The following CTNNA3 variants were observed in gnomAD, a reference collection of about 807,000 sequenced individuals.
The protein encoded by CTNNA3 is catenin alpha-3.
CTNNA3 carries 76 observed loss-of-function variants against 95.7 expected under a neutral mutation model. That is an observed-to-expected ratio of 0.79 (90% CI 0.66 to 0.96). The LOEUF (loss-of-function observed/expected upper bound fraction) is 0.96. Among genes scored for constraint, CTNNA3 ranks in the 40% least tolerant of loss-of-function variants. CTNNA3 has a pLI of 0.00. For synonymous variants in CTNNA3, 431 were observed against 374.4 expected, an observed-to-expected ratio of 1.15 and a Z score of -1.74; for missense variants, 1,191 against 1,089.8, an observed-to-expected ratio of 1.09 and a Z score of -1.31.
intron 13 of CTNNA3, among the ~76,000 whole-genome samples, chr10:66,167,938 C>T (rs573907527): frequency 5.3e-5 from 8 of 152,208 alleles, no homozygotes; most frequent in Non-Finnish European, 5.9e-5. Flanking sequence ...TAAGCACAGC[C>T]CATGGGAAAT....
intron 13 of CTNNA3, among the ~76,000 whole-genome samples, chr10:66,124,596 T>C (rs1291016563): frequency 1.3e-5 from 2 of 152,166 alleles, no homozygotes; most frequent in African/African-American, 2.4e-5. Context: ...ACACTGCTGA[T>C]GAAGAAATAC....
rs371355999 is a variant in CTNNA3 at position 67,405,596 on chromosome 10, G to T, written c.579+116246C>A. On this transcript the variant is annotated intron_variant, in intron 5 of 17. Transcript: ENST00000433211. ...ACTTAGACTCCCACACAATAATAGT[G>T]GGAGACTTTAAAACCCCATTGACAA... 2.6e-4 allele frequency among the ~76,000 whole-genome samples: 39 copies of T among 152,126 alleles called. 3 individuals are homozygous for T. The highest frequency in any genetic ancestry group is 1.5e-3 in the East Asian group (8 of 5,164).
At chr10:65,948,988 T>C (rs2077568303) in intron 17 of CTNNA3, among the ~76,000 whole-genome samples, 2 of 152,238 alleles carry the variant, frequency 1.3e-5, no homozygotes, top group Non-Finnish European at 2.9e-5. Flanking sequence ...CTTGTTTCTA[T>C]TTTGAGTTTC....
At chr10:66,178,678 A>G (rs2085872837) in intron 13 of CTNNA3, among the ~76,000 whole-genome samples, 1 of 151,640 alleles carries the variant, frequency 6.6e-6, no homozygotes, top group African/African-American at 2.4e-5. Context: ...TCAACAAAGG[A>G]CTAGTATCAA....
chr10:66,043,936 A>C (rs1043744584), intron 15 of CTNNA3, among the ~76,000 whole-genome samples: 4 of 151,246 alleles, frequency 2.6e-5, no homozygotes, highest in Non-Finnish European at 4.4e-5. Flanking sequence ...GGGTGTGCCT[A>C]AAAATGTAAT....
At chr10:66,780,866 T>C (rs10437374) in intron 7 of CTNNA3, among the ~76,000 whole-genome samples, 129,849 of 152,168 alleles carry the variant, frequency 0.85, 55,947 homozygotes, top group East Asian at 1. Flanking sequence ...TGAATATTTG[T>C]CCTAAATTGT....
intron 11 of CTNNA3, among the ~76,000 whole-genome samples, chr10:66,513,935 C>T (rs1003660186): frequency 1.3e-5 from 2 of 152,060 alleles, no homozygotes; most frequent in Admixed American, 6.5e-5. Context: ...TGTAACACTG[C>T]AACCTTCTGG....
chr10:67,449,357 CAG>C (rs1846880570), intron 5 of CTNNA3, among the ~76,000 whole-genome samples: 1 of 151,956 alleles, frequency 6.6e-6, no homozygotes, highest in Non-Finnish European at 1.5e-5. Flanking sequence ...GGAACCAAAA[CAG>C]AGCCCAAATA....
chr10:67,065,388 G>C (rs1343713478), intron 7 of CTNNA3, among the ~76,000 whole-genome samples: 1 of 152,052 alleles, frequency 6.6e-6, no homozygotes, highest in Non-Finnish European at 1.5e-5. Flanking sequence ...AAAGGTATAA[G>C]GGCATTGATT....
chr10:66,834,255 C>T (rs2132329172), intron 7 of CTNNA3, among the ~76,000 whole-genome samples: 1 of 152,282 alleles, frequency 6.6e-6, no homozygotes, highest in South Asian at 2.1e-4. Context: ...TGAGTGTTGG[C>T]TTTCACAGAT....
chr10:65,945,332 T>G (rs74140880), intron 17 of CTNNA3, among the ~76,000 whole-genome samples: 4,001 of 152,240 alleles, frequency 0.026, 157 homozygotes, highest in African/African-American at 0.091. Context: ...GCATGTTAGT[T>G]TTAATTTTAC....
intron 7 of CTNNA3, among the ~76,000 whole-genome samples, chr10:66,903,068 C>A (rs1162090515): frequency 6.6e-6 from 1 of 151,946 alleles, no homozygotes; most frequent in African/African-American, 2.4e-5. Context: ...GGCAGACACA[C>A]AACAAAAAAA....
At position 66,797,079 on chromosome 10, in the gene CTNNA3, G is replaced by GTT. The variant is rs149389384; in HGVS notation, c.1048-21557_1048-21556dup. On this transcript the variant is annotated intron_variant, in intron 7 of 17. Transcript: ENST00000433211. Reference sequence around the variant, plus strand: ...TACAATAAGCAGGGCTTGTAAATTTGTTTTTTTTTTCCTACTGAAAAGCAA... The same window carrying GTT: ...TACAATAAGCAGGGCTTGTAAATTTGTTTTTTTTTTTTCCTACTGAAAAGCAA... Among the ~76,000 whole-genome samples, 472 of 147,620 alleles carry GTT rather than the reference G, an allele frequency of 3.2e-3. 4 individuals carry two copies. The highest frequency in any genetic ancestry group is 0.011 in the African/African-American group (448 of 40,622).
At chr10:67,139,526 C>T (rs1378901013) in intron 7 of CTNNA3, among the ~76,000 whole-genome samples, 1 of 151,896 alleles carries the variant, frequency 6.6e-6, no homozygotes, top group Non-Finnish European at 1.5e-5. Context: ...AATTCTCCTG[C>T]CTCAGCCTCC....
At chr10:66,438,929 T>TC (rs1268867570) in intron 11 of CTNNA3, among the ~76,000 whole-genome samples, 1 of 152,134 alleles carries the variant, frequency 6.6e-6, no homozygotes, top group Non-Finnish European at 1.5e-5. Flanking sequence ...CCTCATGGCT[T>TC]CCCTTGGCTA....
At position 66,928,318 on chromosome 10, in the gene CTNNA3, T is replaced by C. The variant is rs199717270; in HGVS notation, c.1048-152794A>G. 5.4e-5 allele frequency: 87 copies of C among 1,614,012 alleles called. No homozygotes were observed. In the African/African-American group the frequency reaches 1.0e-3, roughly 19 times the overall value. On this transcript the variant is annotated intron_variant, in intron 7 of 17. Coordinates refer to ENST00000433211, the MANE Select transcript of CTNNA3 (RefSeq NM_013266.4). ...AAGGCACAGGAAAAAGAAAAGACAG[T>C]CCCTAAAGCAAATGACTCCCAGCAC...
chr10:66,876,729 G>T (rs1183601733), intron 7 of CTNNA3, among the ~76,000 whole-genome samples: 2 of 151,722 alleles, frequency 1.3e-5, no homozygotes, highest in Non-Finnish European at 2.9e-5. Flanking sequence ...GTTGCTGCCA[G>T]GTGTAAAGAA....
At chr10:66,707,171 G>A (rs1848145056) in intron 9 of CTNNA3, among the ~76,000 whole-genome samples, 1 of 151,936 alleles carries the variant, frequency 6.6e-6, no homozygotes. Flanking sequence ...TAAAAATATT[G>A]GGAAGGTATT....
chr10:65,934,212 T>A (rs2077299440), intron 17 of CTNNA3, among the ~76,000 whole-genome samples: 2 of 152,204 alleles, frequency 1.3e-5, no homozygotes, highest in Admixed American at 1.3e-4. Context: ...CAAATCCCAT[T>A]TTCATTTCTC....
Sources: gnomAD v4.1 joint callset for allele counts (sites outside exome capture counted in the v4.1 genomes callset) on GRCh38, gnomAD v4.1.1 for gene constraint, MANE v1.5 for transcripts, NCBI Gene and HGNC (gene_info 2026-07-23, HGNC 2026-07-21) for gene names.